The following GRM8 variants were observed in gnomAD, a reference collection of about 807,000 sequenced individuals.
GRM8 encodes glutamate metabotropic receptor 8, also known as metabotropic glutamate receptor 8.
In GRM8, 47 loss-of-function variants were observed where a neutral mutation model predicts 87.2. That is an observed-to-expected ratio of 0.54 (90% CI 0.43 to 0.69). GRM8 has a LOEUF of 0.69. Ranked by LOEUF, GRM8 falls within the 30% of genes least tolerant of loss-of-function variation. The probability of loss-of-function intolerance (pLI) is 0.00; values close to 1 mark genes in which losing one functional copy is unlikely to be tolerated. For missense variants in GRM8, 1,019 were observed against 1,139.2 expected (o/e 0.89, Z 1.52); for synonymous variants, 396 against 404.5 (o/e 0.98, Z 0.25).
intron 9 of GRM8, among the ~76,000 whole-genome samples, 166 bp from the exon 10 acceptor site, chr7:126,446,538 A>G (rs1802042429): frequency 6.6e-6 from 1 of 152,048 alleles, no homozygotes. Flanking sequence ...CTGTGTCCTA[A>G]CCTGCAAATG....
chr7:126,760,557 A>AAATTTATAAATATTT (rs1238296380), intron 7 of GRM8, among the ~76,000 whole-genome samples: 6 of 152,172 alleles, frequency 3.9e-5, no homozygotes, highest in African/African-American at 7.2e-5. Flanking sequence ...TGTTTCCTTC[A>AAATTTATAAATATTT]TCAGAAACAA....
At chr7:126,702,132 A>T (rs1810002655) in intron 7 of GRM8, among the ~76,000 whole-genome samples, 1 of 152,230 alleles carries the variant, frequency 6.6e-6, no homozygotes, top group African/African-American at 2.4e-5. Context: ...GCACATGCCA[A>T]GTCCTGCATA....
At chr7:126,702,034 G>A (rs980945631) in intron 7 of GRM8, among the ~76,000 whole-genome samples, 1 of 152,164 alleles carries the variant, frequency 6.6e-6, no homozygotes, top group Non-Finnish European at 1.5e-5. Context: ...AGACCAATGA[G>A]TGTCGTTTAG....
chr7:126,848,723 A>C (rs145311942), intron 6 of GRM8, among the ~76,000 whole-genome samples: 1 of 152,172 alleles, frequency 6.6e-6, no homozygotes, highest in Non-Finnish European at 1.5e-5. Context: ...TGGGAAGCTG[A>C]GGTAGGAGGA....
chr7:126,844,703 C>G (rs1796563477), intron 6 of GRM8, among the ~76,000 whole-genome samples: 1 of 152,128 alleles, frequency 6.6e-6, no homozygotes, highest in Non-Finnish European at 1.5e-5. Context: ...GGAGAGCTCT[C>G]TTTCTGGTTT....
chr7:126,557,352 C>T (rs182191574), intron 8 of GRM8, among the ~76,000 whole-genome samples: 4 of 152,306 alleles, frequency 2.6e-5, no homozygotes, highest in African/African-American at 7.2e-5. Flanking sequence ...GGCTCAGGTG[C>T]TCAGTTACCA....
intron 3 of GRM8, among the ~76,000 whole-genome samples, chr7:127,096,268 T>A (rs914112578): frequency 1.3e-5 from 2 of 150,444 alleles, no homozygotes; most frequent in Admixed American, 6.6e-5. Context: ...CCTTACAAGA[T>A]ACAAATTGAG....
chr7:126,528,331 C>T (rs1360179566), intron 9 of GRM8, among the ~76,000 whole-genome samples: 1 of 152,152 alleles, frequency 6.6e-6, no homozygotes, highest in Non-Finnish European at 1.5e-5. Context: ...AAATCACATC[C>T]TCCTACGCAA....
At chr7:126,644,201 TA>T (rs1203387940) in intron 7 of GRM8, among the ~76,000 whole-genome samples, 2 of 152,346 alleles carry the variant, frequency 1.3e-5, no homozygotes, top group Admixed American at 1.3e-4. Context: ...AGTTTAATAT[TA>T]AAATATATCG....
At chr7:126,731,726 T>C (rs1163667271) in intron 7 of GRM8, among the ~76,000 whole-genome samples, 1 of 152,070 alleles carries the variant, frequency 6.6e-6, no homozygotes, top group African/African-American at 2.4e-5. Flanking sequence ...GTATTATCAA[T>C]ACATATATGT....
intron 3 of GRM8, among the ~76,000 whole-genome samples, chr7:127,086,380 G>T (rs548059749): frequency 1.3e-5 from 2 of 152,208 alleles, no homozygotes; most frequent in Non-Finnish European, 2.9e-5. Context: ...GATTACAGGC[G>T]TGAGCCACTG....
At chr7:127,142,947 T>C (rs1250743532) in intron 2 of GRM8, among the ~76,000 whole-genome samples, 1 of 152,116 alleles carries the variant, frequency 6.6e-6, no homozygotes, top group Non-Finnish European at 1.5e-5. Flanking sequence ...AAAGCCACTG[T>C]TGAGAGTAAG....
At chr7:126,825,161 G>A (rs974592199) in intron 6 of GRM8, among the ~76,000 whole-genome samples, 1 of 152,062 alleles carries the variant, frequency 6.6e-6, no homozygotes, top group Non-Finnish European at 1.5e-5. Context: ...TCCGCCTCCT[G>A]GGTTCAAATG....
chr7:127,058,575 A>G lies in GRM8; in HGVS notation c.727+47921T>C, dbSNP rs150015873. Among the ~76,000 whole-genome samples, 80 of 152,286 alleles carry G rather than the reference A, an allele frequency of 5.3e-4. 1 individual carries two copies. The East Asian group carries it at 0.012, about 23-fold the overall frequency. ...AATTTGTTTCTAATTTCTTGCCCTC[A>G]ATGTCCACCTTCCTCAAATTGTTTT... On this transcript the variant is annotated intron_variant, in intron 3 of 10. Coordinates refer to ENST00000339582, the MANE Select transcript of GRM8 (RefSeq NM_000845.3).
chr7:126,904,239 C>T, intron 4 of GRM8, 113 bp from the exon 5 acceptor site: 2 of 853,822 alleles, frequency 2.3e-6, no homozygotes, highest in Non-Finnish European at 3.7e-6. Context: ...CACTGTTTAA[C>T]AATTAAGACG....
chr7:126,947,706 A>C (rs1183859851), intron 3 of GRM8, among the ~76,000 whole-genome samples: 1 of 152,120 alleles, frequency 6.6e-6, no homozygotes, highest in Non-Finnish European at 1.5e-5. Context: ...ATCATAAAAC[A>C]ACCTTTTCAT....
chr7:127,092,635 A>T, intron 3 of GRM8, among the ~76,000 whole-genome samples: 1 of 152,238 alleles, frequency 6.6e-6, no homozygotes, highest in East Asian at 1.9e-4. Context: ...TGAACCCAGG[A>T]AGCGGATATT....
At chr7:126,953,388 C>T (rs542243987) in intron 3 of GRM8, among the ~76,000 whole-genome samples, 1 of 152,216 alleles carries the variant, frequency 6.6e-6, no homozygotes, top group African/African-American at 2.4e-5. Flanking sequence ...ATCTTTCCCT[C>T]TTGCAAAGAC....
chr7:126,682,259 C>T (rs966740854), intron 7 of GRM8, among the ~76,000 whole-genome samples: 1 of 152,200 alleles, frequency 6.6e-6, no homozygotes, highest in Admixed American at 6.5e-5. Context: ...ACAATAGGCA[C>T]TCTCTAAATA....
Sources: allele counts gnomAD v4.1 joint callset (sites outside exome capture counted in the v4.1 genomes callset), GRCh38; gene constraint gnomAD v4.1.1; transcripts MANE v1.5; gene names NCBI Gene and HGNC (gene_info 2026-07-23, HGNC 2026-07-21).